The following KCNH8 variants were observed in gnomAD, a reference collection of about 807,000 sequenced individuals.
KCNH8 encodes voltage-gated delayed rectifier potassium channel KCNH8.
In KCNH8, 70 loss-of-function variants were observed where a neutral mutation model predicts 103.6. That is an observed-to-expected ratio of 0.68 (90% CI 0.56 to 0.82). The LOEUF is 0.82. Among genes scored for constraint, KCNH8 ranks in the 40% least tolerant of loss-of-function variants. KCNH8 has a pLI of 0.00. For missense variants in KCNH8, 1,217 were observed against 1,329.9 expected (o/e 0.92, Z 1.32); for synonymous variants, 498 against 489.4 (o/e 1.02, Z -0.23).
At chr3:19,507,760 A>C (rs1318745609) in intron 11 of KCNH8, among the ~76,000 whole-genome samples, 2 of 152,084 alleles carry the variant, frequency 1.3e-5, no homozygotes, top group Non-Finnish European at 2.9e-5. Flanking sequence ...TGTGCTGGGG[A>C]TCTGCACCAG....
chr3:19,433,937 G>C (rs576435227), intron 7 of KCNH8, among the ~76,000 whole-genome samples: 39 of 152,220 alleles, frequency 2.6e-4, no homozygotes, highest in African/African-American at 9.2e-4. Flanking sequence ...TAACCTCTTT[G>C]GCTCTATTTC....
At chr3:19,390,421 A>C in intron 5 of KCNH8, 60 bp from the exon 6 acceptor site, 9 of 1,267,616 alleles carry the variant, frequency 7.1e-6, no homozygotes, top group African/African-American at 1.5e-5. Flanking sequence ...TGTCCTTCCT[A>C]CCTTCTTTAT....
At chr3:19,361,411 C>T (rs951775853) in intron 5 of KCNH8, among the ~76,000 whole-genome samples, 1 of 152,082 alleles carries the variant, frequency 6.6e-6, no homozygotes, top group Admixed American at 6.6e-5. Flanking sequence ...CACTACACAC[C>T]AGTAATGTTC....
chr3:19,313,353 G>A (rs972670878), intron 3 of KCNH8, among the ~76,000 whole-genome samples: 3 of 151,846 alleles, frequency 2.0e-5, no homozygotes, highest in Non-Finnish European at 2.9e-5. Context: ...CCACTAGTTA[G>A]CACTGTGATC....
chr3:19,477,229 A>C (rs1023276788), intron 11 of KCNH8, among the ~76,000 whole-genome samples: 1 of 152,150 alleles, frequency 6.6e-6, no homozygotes, highest in Non-Finnish European at 1.5e-5. Context: ...ATGTTGAGAT[A>C]ATCATCACCC....
At chr3:19,172,014 A>G (rs1269094061) in intron 1 of KCNH8, among the ~76,000 whole-genome samples, 1 of 152,202 alleles carries the variant, frequency 6.6e-6, no homozygotes, top group Non-Finnish European at 1.5e-5. Context: ...AGGGAGTGAC[A>G]AAGACTCCCA....
In KCNH8 at chr3:19,257,713, T is replaced by G. The variant is rs531242882; in HGVS notation, c.310+3826T>G. 2.0e-5 allele frequency among the ~76,000 whole-genome samples: 3 copies of G among 152,226 alleles called. No homozygotes were observed. In the East Asian group the frequency reaches 5.8e-4, roughly 29 times the overall value. On this transcript the variant is annotated intron_variant, in intron 2 of 15. Coordinates refer to ENST00000328405, the MANE Select transcript of KCNH8 (RefSeq NM_144633.3). Reference sequence around the variant, plus strand: ...AGATTTAAGGTTGTTCTTAGAATAATATTCCCAATTCTGCAAAAAATATTA... The same window carrying G: ...AGATTTAAGGTTGTTCTTAGAATAAGATTCCCAATTCTGCAAAAAATATTA...
chr3:19,180,401 T>C (rs898914212), intron 1 of KCNH8, among the ~76,000 whole-genome samples: 2 of 152,124 alleles, frequency 1.3e-5, no homozygotes, highest in Admixed American at 6.5e-5. Context: ...ACTATTGAAC[T>C]GCCTGATATT....
intron 5 of KCNH8, among the ~76,000 whole-genome samples, chr3:19,382,758 T>C (rs1307053658): frequency 6.6e-6 from 1 of 152,078 alleles, no homozygotes; most frequent in Non-Finnish European, 1.5e-5. Flanking sequence ...TTAGCCCCTC[T>C]GCTCTATGGC....
intron 5 of KCNH8, among the ~76,000 whole-genome samples, chr3:19,356,175 C>G (rs1424503897): frequency 6.6e-6 from 1 of 151,782 alleles, no homozygotes; most frequent in East Asian, 1.9e-4. Flanking sequence ...AAGAAAGGAC[C>G]CACAGTCAAT....
At chr3:19,529,914 C>A (rs990184066) in intron 15 of KCNH8, among the ~76,000 whole-genome samples, 1 of 152,098 alleles carries the variant, frequency 6.6e-6, no homozygotes, top group Non-Finnish European at 1.5e-5. Context: ...GAGTTACTTG[C>A]TCCTTTTAGT....
chr3:19,299,087 G>C (rs1030600861), intron 3 of KCNH8, among the ~76,000 whole-genome samples: 4 of 152,122 alleles, frequency 2.6e-5, no homozygotes, highest in Admixed American at 2.6e-4. Flanking sequence ...ACAACTGAAA[G>C]GTGACACTGA....
chr3:19,150,916 T>C (rs1194021374), intron 1 of KCNH8, among the ~76,000 whole-genome samples: 1 of 152,174 alleles, frequency 6.6e-6, no homozygotes, highest in Non-Finnish European at 1.5e-5. Flanking sequence ...GGGTTGACTT[T>C]GGCAAGGTTT....
chr3:19,476,343 C>T (rs1460781137), intron 11 of KCNH8, among the ~76,000 whole-genome samples: 2 of 152,176 alleles, frequency 1.3e-5, no homozygotes, highest in African/African-American at 2.4e-5. Flanking sequence ...AGGCATTTCG[C>T]ATTAACGCTA....
chr3:19,209,263 G>T (rs1373899066), intron 1 of KCNH8, among the ~76,000 whole-genome samples: 1 of 151,982 alleles, frequency 6.6e-6, no homozygotes, highest in Admixed American at 6.6e-5. Context: ...CACAATGATT[G>T]CCCTCACATG....
At chr3:19,510,704 C>A (rs1217699098) in intron 12 of KCNH8, among the ~76,000 whole-genome samples, 3 of 152,078 alleles carry the variant, frequency 2.0e-5, no homozygotes, top group Non-Finnish European at 4.4e-5. Context: ...AATTGGCAGT[C>A]AAATTTTTTC....
At chr3:19,480,642 C>T (rs978460419) in intron 11 of KCNH8, among the ~76,000 whole-genome samples, 1 of 152,164 alleles carries the variant, frequency 6.6e-6, no homozygotes, top group African/African-American at 2.4e-5. Context: ...GCACTTTTCA[C>T]TTCTAAAATT....
chr3:19,333,581 G>A (rs868496652), intron 3 of KCNH8, among the ~76,000 whole-genome samples: 1 of 152,082 alleles, frequency 6.6e-6, no homozygotes, highest in Non-Finnish European at 1.5e-5. Context: ...GCAGGTTTTT[G>A]TAACACTCTC....
At position 19,400,378 on chromosome 3, in the gene KCNH8, CTG is replaced by C. The variant is rs1208617928; in HGVS notation, c.1177+5071_1177+5072del. 4.6e-5 allele frequency among the ~76,000 whole-genome samples: 7 copies of C among 151,552 alleles called. No homozygotes were observed. The South Asian group carries it at 6.2e-4, about 13-fold the overall frequency. On this transcript the variant is annotated intron_variant, in intron 7 of 15. Transcript: ENST00000328405. ...TAACGGTGGAATCCTACTTACCAATCTGTGTTTCCTCAGCTATAATAGATTGT... is the reference window on the plus strand; with the variant it reads ...TAACGGTGGAATCCTACTTACCAATCTGTTTCCTCAGCTATAATAGATTGT...
Sources: gnomAD v4.1 joint callset for allele counts (sites outside exome capture counted in the v4.1 genomes callset) on GRCh38, gnomAD v4.1.1 for gene constraint, MANE v1.5 for transcripts, NCBI Gene and HGNC (gene_info 2026-07-23, HGNC 2026-07-21) for gene names.